The following DUSP15 variants were observed in gnomAD, a reference collection of about 807,000 sequenced individuals.
The protein encoded by DUSP15 is dual specificity phosphatase 15.
DUSP15 carries 23 observed loss-of-function variants against 26.3 expected under a neutral mutation model. That is an observed-to-expected ratio of 0.87 (90% CI 0.63 to 1.24). The LOEUF (loss-of-function observed/expected upper bound fraction) is 1.24, where lower values mean the gene tolerates loss of function less well. DUSP15 is among the 50% of genes most tolerant of loss of function. The pLI, the probability that DUSP15 is intolerant of heterozygous loss-of-function variation, is 0.00. For synonymous variants in DUSP15, 143 were observed against 135.5 expected (o/e 1.06, Z -0.39); for missense variants, 364 against 320.6 (o/e 1.14, Z -1.03).
chr20:31,869,007 G>A (rs544007709), intron 2 of DUSP15, among the ~76,000 whole-genome samples: 1 of 152,196 alleles, frequency 6.6e-6, no homozygotes, highest in Admixed American at 6.5e-5. Context: ...CTGCTCCAGG[G>A]CTCTGGGGTG....
At chr20:31,848,953 A>T in intron 8 of DUSP15, 1 of 1,482,580 alleles carries the variant, frequency 6.7e-7, no homozygotes, top group African/African-American at 1.4e-5. Context: ...GGGACTGGGC[A>T]AGAACTAGGC....
At chr20:31,856,967 C>T (rs2062571530), downstream of DUSP15, among the ~76,000 whole-genome samples, 1 of 151,986 alleles carries the variant, frequency 6.6e-6, no homozygotes, top group Non-Finnish European at 1.5e-5. Context: ...TGCAGACCAA[C>T]CCAACACCAT....
At chr20:31,866,736 C>T (rs1357196085) in intron 3 of DUSP15, among the ~76,000 whole-genome samples, 1 of 152,200 alleles carries the variant, frequency 6.6e-6, no homozygotes, top group Non-Finnish European at 1.5e-5. Flanking sequence ...ACAGAGCCCA[C>T]AGTCATCCAT....
chr20:31,856,434 C>T (rs181613178), downstream of DUSP15, among the ~76,000 whole-genome samples: 7 of 152,002 alleles, frequency 4.6e-5, no homozygotes, highest in East Asian at 3.9e-4. Flanking sequence ...TTAAGGACTG[C>T]GGGGATTGCT....
At position 31,861,615 on chromosome 20, in the gene DUSP15, G is replaced by T. The variant is rs1265042627; in HGVS notation, c.496C>A (p.Arg166Ser). The T allele has an allele frequency of 4.3e-6, 6 of 1,394,978 alleles. No individual in the cohort carries two copies. Among genetic ancestry groups the T allele is most frequent in the South Asian group, 1.3e-5 (1 of 78,558 alleles). The allele number at this position is 1,394,978 out of a possible 1,614,324, so 86.4% of individuals were successfully genotyped here. ...ESPFRDEEEL[R>S]ALLPLCKRCR... The stretch of plus-strand genomic sequence containing the variant: ...CGCTTGCACAGCGGCAGCAGCGCGC[G>T]CAACTCCTCCTCGTCGCGGAAGGGG... The change falls in exon 7 of 7, where the codon CGC becomes AGC. Residue 166 changes from arginine to serine, a missense_variant. Transcript: ENST00000339738.
At chr20:31,849,794 A>G (rs1187674101) in exon 8 of DUSP15, 1 of 1,541,732 alleles carries the variant, frequency 6.5e-7, no homozygotes, top group African/African-American at 1.4e-5. Flanking sequence ...CCGCGGACTC[A>G]GACGACAGCG....
chr20:31,850,616 T>G (rs1244580299), exon 7 of DUSP15: 2 of 1,611,142 alleles, frequency 1.2e-6, no homozygotes, highest in African/African-American at 2.7e-5. Flanking sequence ...CCTTACCAGG[T>G]TGCTGAAGTC....
chr20:31,868,104 G>T (rs2062814189), intron 2 of DUSP15, among the ~76,000 whole-genome samples: 1 of 152,204 alleles, frequency 6.6e-6, no homozygotes, highest in Non-Finnish European at 1.5e-5. Flanking sequence ...TATTCAGAAT[G>T]AATAACACAT....
intron 4 of DUSP15, 58 bp downstream of exon 4, chr20:31,864,895 T>G: frequency 4.3e-6 from 6 of 1,402,580 alleles, no homozygotes; most frequent in Non-Finnish European, 6.0e-6. Context: ...CCCCTCCCCC[T>G]CCCCCACCAC....
chr20:31,857,279 G>A (rs1167219849), downstream of DUSP15, among the ~76,000 whole-genome samples: 1 of 152,056 alleles, frequency 6.6e-6, no homozygotes, highest in African/African-American at 2.4e-5. Context: ...ACAATGCCAG[G>A]AGGTCCTCCA....
downstream of DUSP15, among the ~76,000 whole-genome samples, chr20:31,860,149 TGGCTGGCACACAGTA>T (rs2062620633): frequency 6.6e-6 from 1 of 152,182 alleles, no homozygotes; most frequent in Non-Finnish European, 1.5e-5. Context: ...CCGAGCACAA[TGGCTGGCACACAGTA>T]GGTACTCAAT....
At chr20:31,864,049 C>A in intron 4 of DUSP15, 68 bp from the exon 5 acceptor site, 3 of 1,603,772 alleles carry the variant, frequency 1.9e-6, no homozygotes, top group Admixed American at 1.7e-5. Flanking sequence ...TCCGCCCCCA[C>A]CCCAATTACA....
intron 9 of DUSP15, chr20:31,848,644 G>A (rs1283538545): frequency 6.1e-6 from 9 of 1,474,072 alleles, no homozygotes; most frequent in Non-Finnish European, 9.0e-7. Flanking sequence ...CACAGCCCTA[G>A]TTACAGCCCC....
At position 31,865,557 on chromosome 20, in the gene DUSP15, G is replaced by A. The variant is rs116714009; in HGVS notation, c.139-555C>T. ...AATATCATGAAGATTATTTTTGCCC[G>A]CCTCCTGAGGACCTCCTTGCTTTTC... On this transcript the variant is annotated intron_variant, in intron 3 of 6. Transcript: ENST00000339738. Among the ~76,000 whole-genome samples the A allele has an allele frequency of 7.3e-3, 1,117 of 152,118 alleles. 15 individuals are homozygous for A. The highest frequency in any genetic ancestry group is 0.026 in the African/African-American group (1,061 of 41,486).
At chr20:31,847,768 T>C (rs1600424596) in exon 10 of DUSP15, 1 of 152,220 alleles carries the variant, frequency 6.6e-6, no homozygotes, top group Non-Finnish European at 1.5e-5. Context: ...GAAGGGCTGG[T>C]CTTCCACGTT....
chr20:31,859,927 T>C (rs1244214326), downstream of DUSP15, among the ~76,000 whole-genome samples: 1 of 152,148 alleles, frequency 6.6e-6, no homozygotes, highest in East Asian at 1.9e-4. Context: ...TGATGGTAGG[T>C]AGTTAGGAAG....
downstream of DUSP15, among the ~76,000 whole-genome samples, chr20:31,846,442 T>TAGAGAGAG (rs71185371): frequency 0.013 from 1,421 of 107,694 alleles, 27 homozygotes; most frequent in African/African-American, 0.05. Context: ...AAGGAATGAA[T>TAGAGAGAG]AGAGAGAGAG....
exon 10 of DUSP15, chr20:31,848,547 G>A: frequency 6.3e-7 from 1 of 1,579,350 alleles, no homozygotes; most frequent in Non-Finnish European, 8.6e-7. Context: ...GAGCTCCCAG[G>A]CCGAAGCTGC....
In DUSP15 at chr20:31,870,523, G is replaced by C; in HGVS notation, c.-186C>G. On this transcript the variant is annotated 5_prime_UTR_variant, in exon 1 of 7. Transcript: ENST00000339738. The surrounding 1 kb of genome is among the most constrained non-coding windows in gnomAD (Gnocchi z 6.6). ...GCCCGCCGACCCCCGGCCCGGGAGG[G>C]AAATGGTGGTGGAGCCGCCGCTGCC... The C allele has an allele frequency of 6.9e-7, 1 of 1,442,214 alleles. No homozygotes were observed. Among genetic ancestry groups the C allele is most frequent in the South Asian group, 1.4e-5 (1 of 70,490 alleles). 89.3% of individuals were successfully genotyped at this position (1,442,214 alleles called of 1,614,324 possible).
Sources: allele counts gnomAD v4.1 joint callset (sites outside exome capture counted in the v4.1 genomes callset), GRCh38; gene constraint gnomAD v4.1.1; non-coding constraint Gnocchi (gnomAD v3.1); transcripts MANE v1.5; gene names NCBI Gene and HGNC (gene_info 2026-07-23, HGNC 2026-07-21).